The following PRDM16 variants were observed in gnomAD, a reference collection of about 807,000 sequenced individuals.
PRDM16 encodes the protein histone-lysine N-methyltransferase PRDM16.
In PRDM16, 23 loss-of-function variants were observed where a neutral mutation model predicts 110.6. The ratio of observed to expected loss-of-function variants is 0.21; its 90% CI spans 0.15 to 0.29. The LOEUF (loss-of-function observed/expected upper bound fraction) is 0.29, where lower values mean the gene tolerates loss of function less well. Ranked by LOEUF, PRDM16 falls within the 10% of genes least tolerant of loss-of-function variation. PRDM16 has a pLI of 1.00. For missense variants in PRDM16, 1,615 were observed against 1,794.3 expected, an observed-to-expected ratio of 0.90 and a Z score of 1.81; for synonymous variants, 799 against 781.8, an observed-to-expected ratio of 1.02 and a Z score of -0.37.
intron 3 of PRDM16, among the ~76,000 whole-genome samples, chr1:3,357,937 C>G (rs1193514595): frequency 1.3e-5 from 2 of 152,224 alleles, no homozygotes; most frequent in African/African-American, 4.8e-5. Flanking sequence ...TGGTCTCATA[C>G]AGCGAAAGCA....
intron 1 of PRDM16, among the ~76,000 whole-genome samples, chr1:3,084,388 G>A (rs1490393126): frequency 2.6e-5 from 4 of 152,212 alleles, no homozygotes; most frequent in Non-Finnish European, 4.4e-5. Context: ...TGATGGGGCC[G>A]AAAGCGCTCG....
intron 2 of PRDM16, among the ~76,000 whole-genome samples, chr1:3,192,599 G>A (rs1428949071): frequency 6.6e-6 from 1 of 152,096 alleles, no homozygotes; most frequent in African/African-American, 2.4e-5. Flanking sequence ...GTAGGAGCTG[G>A]ACTTAGACCC....
At chr1:3,375,025 C>G (rs1017022593) in intron 3 of PRDM16, among the ~76,000 whole-genome samples, 7 of 152,214 alleles carry the variant, frequency 4.6e-5, no homozygotes, top group African/African-American at 1.7e-4. Flanking sequence ...CTCCCAGTTC[C>G]TCAGAGCCCA....
In PRDM16 at chr1:3,303,530, A is replaced by T. The variant is rs538545919; in HGVS notation, c.438+59393A>T. ...GAAGAGTGCCGTGGTGACCGTCCCA[A>T]GACAAGTGTTTGTGTCGAGAGACAT... On this transcript the variant is annotated intron_variant, in intron 3 of 16. Transcript: ENST00000270722. Among the ~76,000 whole-genome samples, 4 of 152,286 alleles carry T rather than the reference A, an allele frequency of 2.6e-5. No homozygotes were observed. In the South Asian group the frequency reaches 8.3e-4, roughly 32 times the overall value.
At position 3,093,287 on chromosome 1, in the gene PRDM16, G is replaced by A. The variant is rs578136012; in HGVS notation, c.37+23991G>A. On this transcript the variant is annotated intron_variant, in intron 1 of 16. Coordinates refer to ENST00000270722, the MANE Select transcript of PRDM16 (RefSeq NM_022114.4). ...AGAGCCCAGGCTAGCTCCATGCTGGGGCCTGAGCCTGGGTACTGTCCAACG... is the reference window on the plus strand; with the variant it reads ...AGAGCCCAGGCTAGCTCCATGCTGGAGCCTGAGCCTGGGTACTGTCCAACG... Among the ~76,000 whole-genome samples, 13 of 152,348 alleles carry A rather than the reference G, an allele frequency of 8.5e-5. No individual in the cohort carries two copies. In the South Asian group the frequency reaches 2.5e-3, roughly 29 times the overall value.
chr1:3,164,276 G>A (rs1283922695), intron 1 of PRDM16, among the ~76,000 whole-genome samples: 4 of 152,266 alleles, frequency 2.6e-5, no homozygotes, highest in South Asian at 2.1e-4. Flanking sequence ...TGGGGTTGGC[G>A]AACAGTGTAA....
At chr1:3,078,953 C>T (rs1641957725) in intron 1 of PRDM16, among the ~76,000 whole-genome samples, 1 of 152,256 alleles carries the variant, frequency 6.6e-6, no homozygotes, top group African/African-American at 2.4e-5. Flanking sequence ...GTCAGAGAGG[C>T]TGGTCATATC....
intron 1 of PRDM16, among the ~76,000 whole-genome samples, chr1:3,139,855 C>T (rs1443859204): frequency 1.3e-5 from 2 of 152,216 alleles, no homozygotes; most frequent in Non-Finnish European, 2.9e-5. Flanking sequence ...CCTAAGACAC[C>T]CAGCCACCTC....
At chr1:3,348,057 C>T (rs868238406) in intron 3 of PRDM16, among the ~76,000 whole-genome samples, 3 of 152,176 alleles carry the variant, frequency 2.0e-5, no homozygotes, top group Non-Finnish European at 4.4e-5. Context: ...GCCCATGCCT[C>T]TGGTCGGAGC....
At chr1:3,184,717 C>A (rs1355343454) in intron 1 of PRDM16, among the ~76,000 whole-genome samples, 1 of 152,152 alleles carries the variant, frequency 6.6e-6, no homozygotes, top group Non-Finnish European at 1.5e-5. Context: ...CTCGCTGTCA[C>A]CCCCACCCCA....
In PRDM16 at chr1:3,437,553, G is replaced by A. The variant is rs540428221; in HGVS notation, c.*3742G>A. The A allele has an allele frequency of 1.6e-4, 37 of 228,570 alleles. No individual in the cohort carries two copies. In the South Asian group the frequency reaches 2.9e-3, roughly 18 times the overall value. 14.2% of individuals were successfully genotyped at this position (228,570 alleles called of 1,614,324 possible). ...CAAGGCTCTCCTCCCAGCCAGGGAC[G>A]CCAGGACATAGCTGCTCCTGGTCAG... On this transcript the variant is annotated 3_prime_UTR_variant, in exon 17 of 17. Coordinates refer to ENST00000270722, the MANE Select transcript of PRDM16 (RefSeq NM_022114.4).
In PRDM16 at chr1:3,308,057, C is replaced by T. The variant is rs188256411; in HGVS notation, c.438+63920C>T. On this transcript the variant is annotated intron_variant, in intron 3 of 16. Coordinates refer to ENST00000270722, the MANE Select transcript of PRDM16 (RefSeq NM_022114.4). ...TTATAAAGGCCCAAGGGCTCCTGAG[C>T]ACTGGGAACACTGTCTTTGGTGGGC... is the stretch of plus-strand genomic sequence containing the variant. 7 of 152,322 alleles carry T rather than the reference C, an allele frequency of 4.6e-5. No individual in the cohort carries two copies. In the East Asian group the frequency reaches 1.4e-3, roughly 29 times the overall value. 9.4% of individuals were successfully genotyped at this position (152,322 alleles called of 1,614,324 possible).
rs796255009 is a variant in PRDM16, at chr1:3,181,859, C to T, written c.38-4266C>T. ...TCAGTCTTACACACGGTCTTACACA[C>T]GCAGTCTTACACACGGTCTTGCACA... On this transcript the variant is annotated intron_variant, in intron 1 of 16. Coordinates refer to ENST00000270722, the MANE Select transcript of PRDM16 (RefSeq NM_022114.4). 1.5e-3 allele frequency among the ~76,000 whole-genome samples: 144 copies of T among 98,304 alleles called. 3 individuals carry two copies. Among genetic ancestry groups the T allele is most frequent in the African/African-American group, 4.6e-3 (134 of 29,142 alleles). The allele number at this position is 98,304 out of a possible 152,430, so 64.5% of individuals were successfully genotyped here.
In PRDM16 at chr1:3,190,002, A is replaced by G. The variant is rs1638259188; in HGVS notation, c.387+3528A>G. ...CAATTTCCTTTCTCTTTGTATAGCA[A>G]GAGACACAGTGCCAGGCAACCCTCG... On this transcript the variant is annotated intron_variant, in intron 2 of 16. Coordinates refer to ENST00000270722, the MANE Select transcript of PRDM16 (RefSeq NM_022114.4). This position sits in a 1 kb window ranked among gnomAD's most constrained non-coding sequence, Gnocchi z 5.0. 6.6e-6 allele frequency among the ~76,000 whole-genome samples: 1 copy of G among 152,220 alleles called. No homozygotes were observed. Among genetic ancestry groups the G allele is most frequent in the Non-Finnish European group, 1.5e-5 (1 of 68,044 alleles).
chr1:3,313,862 T>A (rs933651388), intron 3 of PRDM16, among the ~76,000 whole-genome samples: 1 of 152,232 alleles, frequency 6.6e-6, no homozygotes, highest in Non-Finnish European at 1.5e-5. Context: ...CGGCCCAGCG[T>A]CCAGAGACAG....
In PRDM16 at chr1:3,435,664, G is replaced by C. The variant is rs12735779; in HGVS notation, c.*1853G>C. On this transcript the variant is annotated 3_prime_UTR_variant, in exon 17 of 17. Coordinates refer to ENST00000270722, the MANE Select transcript of PRDM16 (RefSeq NM_022114.4). ...GCCTTGGTGTGGGTTTGTGTCACGTGTGGACATCTCCTCAGGCTTTGTGTC... is the reference window on the plus strand; with the variant it reads ...GCCTTGGTGTGGGTTTGTGTCACGTCTGGACATCTCCTCAGGCTTTGTGTC... 0.16 allele frequency: 36,239 copies of C among 232,462 alleles called. 3,182 individuals are homozygous for C. The highest frequency in any genetic ancestry group is 0.22 in the Middle Eastern group (169 of 778). 14.4% of individuals were successfully genotyped at this position (232,462 alleles called of 1,614,324 possible).
At position 3,433,429 on chromosome 1, in the gene PRDM16, T is replaced by C. The variant is rs1387243590; in HGVS notation, c.3697-248T>C. Among the ~76,000 whole-genome samples, 6 of 152,272 alleles carry C rather than the reference T, an allele frequency of 3.9e-5. No homozygotes were observed. The East Asian group carries it at 7.7e-4, about 20-fold the overall frequency. Reference sequence around the variant, plus strand: ...TTGGCCCTGCTGGCCGGGGATGGCCTGTCCTGCCCACACACTCACCTGCCT... The same window carrying C: ...TTGGCCCTGCTGGCCGGGGATGGCCCGTCCTGCCCACACACTCACCTGCCT... On this transcript the variant is annotated intron_variant, in intron 16 of 16. Coordinates refer to ENST00000270722, the MANE Select transcript of PRDM16 (RefSeq NM_022114.4).
rs1013060788 is a variant in PRDM16 at position 3,259,631 on chromosome 1, G to A, written c.438+15494G>A. On this transcript the variant is annotated intron_variant, in intron 3 of 16. Coordinates refer to ENST00000270722, the MANE Select transcript of PRDM16 (RefSeq NM_022114.4). Reference sequence around the variant, plus strand: ...ACCCAGACCAACTAGTGAACAGGAGGCTGGGGCAAGAGGGGACCCAGTGAA... The same window carrying A: ...ACCCAGACCAACTAGTGAACAGGAGACTGGGGCAAGAGGGGACCCAGTGAA... Among the ~76,000 whole-genome samples the A allele has an allele frequency of 8.5e-5, 13 of 152,356 alleles. 1 individual carries two copies. In the East Asian group the frequency reaches 2.5e-3, roughly 29 times the overall value.
chr1:3,157,205 C>T lies in PRDM16; in HGVS notation c.38-28920C>T, dbSNP rs1643865939. Among the ~76,000 whole-genome samples the T allele has an allele frequency of 1.3e-5, 2 of 152,134 alleles. No individual in the cohort carries two copies. Among genetic ancestry groups the T allele is most frequent in the South Asian group, 2.1e-4 (1 of 4,830 alleles). On this transcript the variant is annotated intron_variant, in intron 1 of 16. Coordinates refer to ENST00000270722, the MANE Select transcript of PRDM16 (RefSeq NM_022114.4). This position sits in a 1 kb window ranked among gnomAD's most constrained non-coding sequence, Gnocchi z 4.8. ...GGCCGCTCGGCAACCGCTGAGCCGG[C>T]GCAAGAGCTCAGGCCCTCAGGGAGC...
Sources: allele counts gnomAD v4.1 joint callset (sites outside exome capture counted in the v4.1 genomes callset), GRCh38; gene constraint gnomAD v4.1.1; non-coding constraint Gnocchi (gnomAD v3.1); transcripts MANE v1.5; gene names NCBI Gene and HGNC (gene_info 2026-07-23, HGNC 2026-07-21).